The following CSMD3 variants were observed in gnomAD, a reference collection of about 807,000 sequenced individuals.
CSMD3 encodes the protein CUB and Sushi multiple domains 3.
A neutral mutation model predicts 435.2 loss-of-function variants in CSMD3; 177 were observed. That is an observed-to-expected ratio of 0.41 (90% CI 0.36 to 0.46). The LOEUF (loss-of-function observed/expected upper bound fraction) is 0.46. Ranked by LOEUF, CSMD3 falls within the 20% of genes least tolerant of loss-of-function variation. The pLI is 0.34. For missense variants in CSMD3, 4,265 were observed against 4,504.6 expected (o/e 0.95, Z 1.52); for synonymous variants, 1,656 against 1,520.5 (o/e 1.09, Z -2.07).
chr8:112,621,879 T>C (rs915857337), intron 22 of CSMD3, among the ~76,000 whole-genome samples: 2 of 152,148 alleles, frequency 1.3e-5, no homozygotes, highest in Non-Finnish European at 2.9e-5. Context: ...ATGGACTCTC[T>C]TATGATCTCC....
intron 17 of CSMD3, among the ~76,000 whole-genome samples, chr8:112,663,842 G>A (rs1318907121): frequency 6.6e-6 from 1 of 152,148 alleles, no homozygotes; most frequent in Admixed American, 6.6e-5. Context: ...CAAATGAATA[G>A]AGTAATGTTG....
intron 45 of CSMD3, among the ~76,000 whole-genome samples, chr8:112,328,153 G>T (rs563206281): frequency 1.3e-5 from 2 of 152,136 alleles, no homozygotes; most frequent in Non-Finnish European, 2.9e-5. Flanking sequence ...GTACTTCAGT[G>T]CTCATCCAGA....
At chr8:113,305,388 T>A (rs1228046975) in intron 2 of CSMD3, among the ~76,000 whole-genome samples, 1 of 152,246 alleles carries the variant, frequency 6.6e-6, no homozygotes, top group African/African-American at 2.4e-5. Flanking sequence ...TAAATATTTT[T>A]AGTCAATTAC....
rs770617306 is a variant in CSMD3, at chr8:112,335,477, A to G, written c.7020-3T>C. The G allele has an allele frequency of 7.4e-5, 119 of 1,613,582 alleles. No homozygotes were observed. Among genetic ancestry groups the G allele is most frequent in the Non-Finnish European group, 9.9e-5 (117 of 1,179,690 alleles). ...GTGAATTTTGGTCTGGTCCATCCCT[A>G]TGAGACAAGGATTGGGAAAGGAGGA... On this transcript the variant is annotated splice_polypyrimidine_tract_variant and splice_region_variant and intron_variant, in intron 44 of 70. Coordinates refer to ENST00000297405, the MANE Select transcript of CSMD3 (RefSeq NM_198123.2).
At chr8:112,530,230 A>C (rs528151106) in intron 27 of CSMD3, among the ~76,000 whole-genome samples, 1 of 152,318 alleles carries the variant, frequency 6.6e-6, no homozygotes, top group African/African-American at 2.4e-5. Context: ...AAAACAGGAC[A>C]GTTTACTCAA....
rs1259072403 is a variant in CSMD3 at position 112,246,377 on chromosome 8, A to C, written c.10222+643T>G. Among the ~76,000 whole-genome samples the C allele has an allele frequency of 2.0e-5, 3 of 152,226 alleles. No homozygotes were observed. In the East Asian group the frequency reaches 5.8e-4, roughly 29 times the overall value. ...CACCAAGAAACACAATTGAAAAGAT[A>C]AGGGAAGAGATTTTTTTAAAAGGCA... is the stretch of plus-strand genomic sequence containing the variant. On this transcript the variant is annotated intron_variant, in intron 64 of 70. Coordinates refer to ENST00000297405, the MANE Select transcript of CSMD3 (RefSeq NM_198123.2).
At chr8:112,636,047 A>G (rs1329674573) in intron 22 of CSMD3, among the ~76,000 whole-genome samples, 1 of 152,190 alleles carries the variant, frequency 6.6e-6, no homozygotes, top group Non-Finnish European at 1.5e-5. Context: ...CATAAGATGT[A>G]CTGATAATCA....
chr8:112,921,105 T>C (rs1281466435), intron 10 of CSMD3, among the ~76,000 whole-genome samples: 2 of 150,232 alleles, frequency 1.3e-5, no homozygotes, highest in Non-Finnish European at 3.0e-5. Context: ...TATACACACA[T>C]GCAGATAATA....
intron 22 of CSMD3, among the ~76,000 whole-genome samples, chr8:112,616,280 T>C (rs1160348704): frequency 6.6e-6 from 1 of 152,144 alleles, no homozygotes; most frequent in East Asian, 1.9e-4. Flanking sequence ...ATATCTATTA[T>C]TATCTCAGTT....
intron 3 of CSMD3, among the ~76,000 whole-genome samples, chr8:113,265,763 G>A (rs972750836): frequency 2.0e-5 from 3 of 151,528 alleles, no homozygotes; most frequent in Non-Finnish European, 3.0e-5. Flanking sequence ...AAGGTAGAGA[G>A]ATACTCATGA....
At chr8:112,801,491 A>G (rs754754973) in intron 12 of CSMD3, among the ~76,000 whole-genome samples, 19 of 152,106 alleles carry the variant, frequency 1.2e-4, no homozygotes, top group African/African-American at 2.7e-4. Context: ...GAAGAACACC[A>G]TAAGATACCA....
intron 10 of CSMD3, among the ~76,000 whole-genome samples, chr8:112,906,272 A>G (rs950137499): frequency 3.3e-5 from 5 of 151,330 alleles, no homozygotes; most frequent in Non-Finnish European, 7.4e-5. Context: ...AATCCTATGA[A>G]GTATTCATGG....
At chr8:113,168,991 A>C (rs2092216921) in intron 4 of CSMD3, among the ~76,000 whole-genome samples, 1 of 152,156 alleles carries the variant, frequency 6.6e-6, no homozygotes, top group South Asian at 2.1e-4. Flanking sequence ...CTTTGGAGGA[A>C]TTTTGGTATA....
rs368107182 is a variant in CSMD3 at position 113,086,685 on chromosome 8, T to C, written c.917+12071A>G. ...GCTTTACGTATGCTAATTAAGAATATGAGCATTTGCAAAAGACATTGAAAG... is the reference window on the plus strand; with the variant it reads ...GCTTTACGTATGCTAATTAAGAATACGAGCATTTGCAAAAGACATTGAAAG... On this transcript the variant is annotated intron_variant, in intron 5 of 70. Coordinates refer to ENST00000297405, the MANE Select transcript of CSMD3 (RefSeq NM_198123.2). 2.0e-5 allele frequency among the ~76,000 whole-genome samples: 3 copies of C among 152,294 alleles called. No homozygotes were observed. The East Asian group carries it at 5.8e-4, about 29-fold the overall frequency.
At chr8:112,292,286 CTT>C (rs984984257) in intron 55 of CSMD3, among the ~76,000 whole-genome samples, 59 of 152,166 alleles carry the variant, frequency 3.9e-4, no homozygotes, top group Non-Finnish European at 7.4e-4. Context: ...AACTCTACCA[CTT>C]TTAACTTTTA....
intron 10 of CSMD3, among the ~76,000 whole-genome samples, chr8:112,901,823 T>C (rs2082114819): frequency 6.6e-6 from 1 of 151,282 alleles, no homozygotes; most frequent in East Asian, 2.0e-4. Context: ...GTTACCATTC[T>C]ACCCAATCTT....
At chr8:113,348,547 T>G (rs562585584) in intron 1 of CSMD3, among the ~76,000 whole-genome samples, 1 of 152,116 alleles carries the variant, frequency 6.6e-6, no homozygotes, top group African/African-American at 2.4e-5. Flanking sequence ...TGCAAAAAGA[T>G]GTATTGATTA....
At chr8:112,336,564 G>A (rs1824578826) in intron 44 of CSMD3, 88 bp downstream of exon 44, 1 of 1,027,628 alleles carries the variant, frequency 9.7e-7, no homozygotes, top group East Asian at 2.4e-5. Flanking sequence ...ATGACAATTT[G>A]TAACAGAGGA....
intron 4 of CSMD3, among the ~76,000 whole-genome samples, chr8:113,141,129 A>C (rs1490457887): frequency 6.6e-6 from 1 of 150,952 alleles, no homozygotes; most frequent in East Asian, 1.9e-4. Context: ...ACCAACTGTA[A>C]AATATGAAAT....
Sources: allele counts gnomAD v4.1 joint callset (sites outside exome capture counted in the v4.1 genomes callset), GRCh38; gene constraint gnomAD v4.1.1; transcripts MANE v1.5; gene names NCBI Gene and HGNC (gene_info 2026-07-23, HGNC 2026-07-21).